Variants in FAM227B observed in about 807,000 individuals in gnomAD.
FAM227B encodes protein FAM227B.
A neutral mutation model predicts 73.8 loss-of-function variants in FAM227B; 88 were observed. The observed-to-expected ratio is 1.19, with a 90% CI of 1.00 to 1.42. The LOEUF is 1.42. FAM227B is among the 40% of genes most tolerant of loss of function. FAM227B has a pLI of 0.00. For missense variants in FAM227B, 632 were observed against 590.9 expected (o/e 1.07, Z -0.72); for synonymous variants, 210 against 190.5 (o/e 1.10, Z -0.84).
At chr15:49,415,750 A>G (rs971036280) in intron 11 of FAM227B, among the ~76,000 whole-genome samples, 1 of 152,220 alleles carries the variant, frequency 6.6e-6, no homozygotes, top group African/African-American at 2.4e-5. Context: ...AGTCACCAGC[A>G]CACCACAATT....
chr15:49,539,478 G>A (rs940532151), intron 10 of FAM227B, among the ~76,000 whole-genome samples: 2 of 152,236 alleles, frequency 1.3e-5, no homozygotes, highest in African/African-American at 4.8e-5. Flanking sequence ...GAGTACACAT[G>A]AAGAGTCAGT....
chr15:49,554,326 C>G (rs1428870865), intron 9 of FAM227B, among the ~76,000 whole-genome samples: 1 of 152,182 alleles, frequency 6.6e-6, no homozygotes, highest in Non-Finnish European at 1.5e-5. Context: ...ATGTTGCGTG[C>G]ACACTCCAGT....
chr15:49,395,261 T>G (rs2047498539), intron 11 of FAM227B, among the ~76,000 whole-genome samples: 1 of 152,176 alleles, frequency 6.6e-6, no homozygotes, highest in Admixed American at 6.5e-5. Context: ...TAAGGTTTTT[T>G]TTGTAAGAAG....
chr15:49,503,820 T>C (rs1486418761), intron 11 of FAM227B, among the ~76,000 whole-genome samples: 5 of 152,202 alleles, frequency 3.3e-5, no homozygotes, highest in African/African-American at 9.6e-5. Context: ...ACGTTTACAC[T>C]GTTGGTGGGA....
intron 13 of FAM227B, among the ~76,000 whole-genome samples, chr15:49,346,777 T>C (rs1261700371): frequency 6.6e-6 from 1 of 152,192 alleles, no homozygotes; most frequent in Admixed American, 6.5e-5. Flanking sequence ...CAGCAAGCTG[T>C]GGCCAGAATC....
intron 13 of FAM227B, among the ~76,000 whole-genome samples, chr15:49,362,484 T>TG (rs2044412975): frequency 6.6e-6 from 1 of 151,318 alleles, no homozygotes; most frequent in African/African-American, 2.4e-5. Flanking sequence ...TATAGCAGCA[T>TG]GAAAACCGAC....
At chr15:49,420,946 T>C (rs532698789) in intron 11 of FAM227B, among the ~76,000 whole-genome samples, 4 of 152,262 alleles carry the variant, frequency 2.6e-5, no homozygotes, top group African/African-American at 9.6e-5. Context: ...GACTTTGTGA[T>C]CCATCCGCCT....
chr15:49,479,243 TTCTC>T (rs59700895), intron 11 of FAM227B, among the ~76,000 whole-genome samples: 1 of 151,628 alleles, frequency 6.6e-6, no homozygotes, highest in Non-Finnish European at 1.5e-5. Flanking sequence ...CATGAGCTGA[TTCTC>T]TCTCTCTTTT....
intron 11 of FAM227B, among the ~76,000 whole-genome samples, chr15:49,480,254 A>T (rs2055808010): frequency 1.3e-5 from 2 of 152,130 alleles, no homozygotes; most frequent in Admixed American, 1.3e-4. Flanking sequence ...TGGTATCCTT[A>T]ACCCTAATAT....
rs752012032 is a variant in FAM227B at position 49,611,283 on chromosome 15, T to C, written c.52-15A>G. On this transcript the variant is annotated splice_polypyrimidine_tract_variant and intron_variant, in intron 2 of 15. Coordinates refer to ENST00000299338, the MANE Select transcript of FAM227B (RefSeq NM_152647.3). The stretch of plus-strand genomic sequence containing the variant: ...TCTTGCATTTTCTAATAAAGTAATA[T>C]CAACATTGTTCATTGGCATAAACTC... The C allele has an allele frequency of 1.0e-5, 15 of 1,486,142 alleles. No individual in the cohort carries two copies. The highest frequency in any genetic ancestry group is 1.3e-5 in the Non-Finnish European group (14 of 1,070,324). The allele number at this position is 1,486,142 out of a possible 1,614,324, so 92.1% of individuals were successfully genotyped here.
At chr15:49,509,150 T>A (rs1191792301) in intron 10 of FAM227B, among the ~76,000 whole-genome samples, 2 of 152,166 alleles carry the variant, frequency 1.3e-5, no homozygotes, top group African/African-American at 4.8e-5. Flanking sequence ...AGTCCTGGGA[T>A]GATTTGGGCA....
chr15:49,553,075 ACTGT>A (rs1288723821), intron 9 of FAM227B, among the ~76,000 whole-genome samples: 1 of 152,070 alleles, frequency 6.6e-6, no homozygotes, highest in Admixed American at 6.5e-5. Flanking sequence ...TGTAATATTC[ACTGT>A]CTGCGCTTAT....
At chr15:49,488,373 T>C (rs1255809278) in intron 11 of FAM227B, 3 of 151,972 alleles carry the variant, frequency 2.0e-5, no homozygotes, top group African/African-American at 7.2e-5. Flanking sequence ...CCACCTATCC[T>C]TTAATTTTGA....
chr15:49,360,394 C>T (rs2043998758), intron 13 of FAM227B, among the ~76,000 whole-genome samples: 1 of 152,080 alleles, frequency 6.6e-6, no homozygotes, highest in African/African-American at 2.4e-5. Context: ...ACAGATATGG[C>T]TTATACACTT....
intron 11 of FAM227B, among the ~76,000 whole-genome samples, chr15:49,448,248 T>C (rs2052401883): frequency 6.6e-6 from 1 of 151,740 alleles, no homozygotes; most frequent in Non-Finnish European, 1.5e-5. Flanking sequence ...CCAACTCTTC[T>C]GTTTTTTCTA....
chr15:49,528,519 G>A (rs576140191), intron 10 of FAM227B, among the ~76,000 whole-genome samples: 5 of 151,676 alleles, frequency 3.3e-5, no homozygotes, highest in South Asian at 2.1e-4. Flanking sequence ...CCTAAAAACC[G>A]TCTGCACAGC....
rs147584455 is a variant in FAM227B at position 49,408,314 on chromosome 15, G to C, written c.1013-36915C>G. Among the ~76,000 whole-genome samples, 159 of 152,246 alleles carry C rather than the reference G, an allele frequency of 1.0e-3. 1 individual carries two copies. The highest frequency in any genetic ancestry group is 3.6e-3 in the African/African-American group (151 of 41,548). The stretch of plus-strand genomic sequence containing the variant: ...ATAATCTGATGCCAATCTGATTCTA[G>C]TTCCTTTGTAAGCAACTTGTGCAAA... On this transcript the variant is annotated intron_variant, in intron 11 of 15. Coordinates refer to ENST00000299338, the MANE Select transcript of FAM227B (RefSeq NM_152647.3).
chr15:49,534,505 T>C (rs1455891632), intron 10 of FAM227B, among the ~76,000 whole-genome samples: 3 of 151,750 alleles, frequency 2.0e-5, no homozygotes, highest in African/African-American at 7.2e-5. Flanking sequence ...GAGAAATGGA[T>C]AGCAATACAA....
intron 11 of FAM227B, among the ~76,000 whole-genome samples, chr15:49,404,493 T>C (rs1439971872): frequency 6.6e-6 from 1 of 152,218 alleles, no homozygotes; most frequent in Non-Finnish European, 1.5e-5. Context: ...CTTACTGAAT[T>C]GAACCCTTTA....
Sources: gnomAD v4.1 joint callset for allele counts (sites outside exome capture counted in the v4.1 genomes callset) on GRCh38, gnomAD v4.1.1 for gene constraint, MANE v1.5 for transcripts, NCBI Gene and HGNC (gene_info 2026-07-23, HGNC 2026-07-21) for gene names.